The following GSG1L variants were observed in gnomAD, a reference collection of about 807,000 sequenced individuals.
The protein encoded by GSG1L is germ cell-specific gene 1-like protein.
In GSG1L, 24 loss-of-function variants were observed where a neutral mutation model predicts 42.1. The ratio of observed to expected loss-of-function variants is 0.57; its 90% CI spans 0.41 to 0.80. The LOEUF is 0.80. GSG1L is among the 30% of genes least tolerant of loss of function. GSG1L has a pLI of 0.00. For synonymous variants in GSG1L, 215 were observed against 203.5 expected (o/e 1.06, Z -0.48); for missense variants, 445 against 472.2 (o/e 0.94, Z 0.53).
At chr16:27,846,299 T>C (rs554995657) in intron 3 of GSG1L, among the ~76,000 whole-genome samples, 4 of 152,290 alleles carry the variant, frequency 2.6e-5, no homozygotes, top group African/African-American at 9.6e-5. Context: ...TCTCTGGAAT[T>C]GTTACCCTGC....
In GSG1L at chr16:27,876,914, C is replaced by T. The variant is rs139377647; in HGVS notation, c.550+7572G>A. 3.2e-3 allele frequency among the ~76,000 whole-genome samples: 486 copies of T among 152,312 alleles called. 6 individuals are homozygous for T. The highest frequency in any genetic ancestry group is 0.01 in the Middle Eastern group (3 of 294). ...AAATAGATGCTTGCTGATTTCTCCACGAGGCTGATTATTTCCCGGAGATGG... is the reference window on the plus strand; with the variant it reads ...AAATAGATGCTTGCTGATTTCTCCATGAGGCTGATTATTTCCCGGAGATGG... On this transcript the variant is annotated intron_variant, in intron 3 of 6. Coordinates refer to ENST00000447459, the MANE Select transcript of GSG1L (RefSeq NM_001109763.2).
At chr16:28,037,806 G>A (rs534673865) in intron 1 of GSG1L, among the ~76,000 whole-genome samples, 1 of 152,026 alleles carries the variant, frequency 6.6e-6, no homozygotes, top group Non-Finnish European at 1.5e-5. Context: ...TCCCTCTTTG[G>A]ACCTGAGTAT....
intron 1 of GSG1L, among the ~76,000 whole-genome samples, chr16:28,060,053 C>T (rs1156261067): frequency 2.0e-5 from 3 of 151,856 alleles, no homozygotes; most frequent in East Asian, 1.9e-4. Context: ...TCTCACGGAG[C>T]GGTGAGGATC....
intron 1 of GSG1L, among the ~76,000 whole-genome samples, chr16:28,026,241 C>T (rs1409528940): frequency 6.6e-6 from 1 of 152,140 alleles, no homozygotes; most frequent in Admixed American, 6.6e-5. Context: ...CCCGGTATAT[C>T]ACGGGAGCTC....
intron 3 of GSG1L, among the ~76,000 whole-genome samples, chr16:27,862,679 C>A (rs2083668748): frequency 6.6e-6 from 1 of 152,230 alleles, no homozygotes; most frequent in Non-Finnish European, 1.5e-5. Context: ...ATGGCCCAAA[C>A]CAGGCCATGC....
intron 1 of GSG1L, among the ~76,000 whole-genome samples, chr16:27,994,815 A>G (rs1032714637): frequency 2.0e-5 from 3 of 152,232 alleles, no homozygotes; most frequent in African/African-American, 7.2e-5. Flanking sequence ...CCAGGCTGAG[A>G]GGTCACAGGG....
chr16:27,798,823 C>A (rs909946656), intron 6 of GSG1L, among the ~76,000 whole-genome samples: 4 of 152,128 alleles, frequency 2.6e-5, no homozygotes, highest in Non-Finnish European at 5.9e-5. Flanking sequence ...AGTAGAAGAA[C>A]CATGTCATAG....
intron 1 of GSG1L, among the ~76,000 whole-genome samples, chr16:27,985,952 G>T (rs980103484): frequency 1.2e-4 from 19 of 152,234 alleles, no homozygotes; most frequent in African/African-American, 4.6e-4. Context: ...TGCCTTCCTT[G>T]TGGGGTTCCA....
chr16:27,988,570 G>C (rs1360335042), intron 1 of GSG1L, among the ~76,000 whole-genome samples: 1 of 152,098 alleles, frequency 6.6e-6, no homozygotes, highest in African/African-American at 2.4e-5. Flanking sequence ...AATCTTATCT[G>C]TGTGGTCCAA....
chr16:27,998,902 G>A (rs532021227), intron 1 of GSG1L, among the ~76,000 whole-genome samples: 1 of 151,800 alleles, frequency 6.6e-6, no homozygotes, highest in Admixed American at 6.6e-5. Context: ...GACATTCAAG[G>A]CTGAACTCAA....
chr16:28,007,499 GT>G (rs2085656023), intron 1 of GSG1L, among the ~76,000 whole-genome samples: 1 of 89,576 alleles, frequency 1.1e-5, no homozygotes, highest in African/African-American at 7.4e-5. Context: ...TGGTTGGTTG[GT>G]TGGTTGGTTG....
intron 4 of GSG1L, among the ~76,000 whole-genome samples, chr16:27,837,734 A>G (rs1045720395): frequency 6.6e-6 from 1 of 152,186 alleles, no homozygotes; most frequent in Non-Finnish European, 1.5e-5. Flanking sequence ...GTGAAGCCAC[A>G]GATTTTTCTT....
At chr16:27,990,921 T>A (rs888596931) in intron 1 of GSG1L, among the ~76,000 whole-genome samples, 15 of 149,356 alleles carry the variant, frequency 1.0e-4, no homozygotes, top group African/African-American at 1.5e-4. Flanking sequence ...AAGTATAATT[T>A]AAAAAAAAAA....
chr16:27,934,345 A>T (rs528681891), intron 2 of GSG1L, among the ~76,000 whole-genome samples: 1 of 152,270 alleles, frequency 6.6e-6, no homozygotes, highest in East Asian at 1.9e-4. Context: ...GGAGTTCGAG[A>T]CCAGCCTGGC....
chr16:27,998,127 G>A (rs540756532), intron 1 of GSG1L, among the ~76,000 whole-genome samples: 1 of 152,060 alleles, frequency 6.6e-6, no homozygotes, highest in African/African-American at 2.4e-5. Flanking sequence ...AAAATGCTGG[G>A]ATTACAGGTG....
intron 1 of GSG1L, among the ~76,000 whole-genome samples, chr16:27,998,082 C>T (rs1161003247): frequency 6.6e-6 from 1 of 152,030 alleles, no homozygotes; most frequent in Non-Finnish European, 1.5e-5. Flanking sequence ...GTCTTGAACT[C>T]CTGACTTCAG....
intron 2 of GSG1L, among the ~76,000 whole-genome samples, chr16:27,957,466 C>T (rs1461477381): frequency 6.6e-6 from 1 of 152,246 alleles, no homozygotes; most frequent in African/African-American, 2.4e-5. Context: ...CTGGCACAAT[C>T]TACTGTGCAG....
At chr16:27,888,470 C>T (rs865964925) in intron 2 of GSG1L, among the ~76,000 whole-genome samples, 5,764 of 52,320 alleles carry the variant, frequency 0.11, 805 homozygotes, top group East Asian at 0.2. Flanking sequence ...CTTTCTCTCT[C>T]TCTCTCTCTT....
chr16:27,933,756 G>T (rs1419541244), intron 2 of GSG1L, among the ~76,000 whole-genome samples: 1 of 151,092 alleles, frequency 6.6e-6, no homozygotes, highest in Non-Finnish European at 1.5e-5. Context: ...AAGAAAATTT[G>T]CCACTATCTT....
Sources: gnomAD v4.1 joint callset for allele counts (sites outside exome capture counted in the v4.1 genomes callset) on GRCh38, gnomAD v4.1.1 for gene constraint, MANE v1.5 for transcripts, NCBI Gene and HGNC (gene_info 2026-07-23, HGNC 2026-07-21) for gene names.